MND1: variants seen among roughly 807,000 people sequenced by gnomAD.
The protein encoded by MND1 is meiotic nuclear division protein 1 homolog.
MND1 carries 28 observed loss-of-function variants against 35.1 expected under a neutral mutation model. That is an observed-to-expected ratio of 0.80 (90% confidence interval 0.59 to 1.09). MND1 has a LOEUF of 1.09. Ranked by LOEUF, MND1 falls within the 50% of genes least tolerant of loss-of-function variation. MND1 has a pLI of 0.00. For synonymous variants in MND1, 69 were observed against 70.5 expected (o/e 0.98, Z 0.11); for missense variants, 213 against 239.6 (o/e 0.89, Z 0.73).
At position 153,350,145 on chromosome 4, in the gene MND1, T is replaced by A; in HGVS notation, c.69+16T>A. The A allele has an allele frequency of 6.4e-7, 1 of 1,568,286 alleles. No individual in the cohort carries two copies. On this transcript the variant is annotated intron_variant, in intron 2 of 7. Coordinates refer to ENST00000240488, the MANE Select transcript of MND1 (RefSeq NM_032117.4). ...TTCTGAAACAGTAAGTCATTTTCTT[T>A]AACACTTATAATTTTGTGTAATTTT...
rs975451704 is a variant in MND1, at chr4:153,345,000, C to T, written c.3+260C>T. 5.3e-5 allele frequency among the ~76,000 whole-genome samples: 8 copies of T among 152,352 alleles called. No individual in the cohort carries two copies. The South Asian group carries it at 1.7e-3, about 32-fold the overall frequency. ...CGCGGCCTCCCCGCCGGCTGCACCC[C>T]GCGTCTGTCCCCAGGGCCCGTTCGG... On this transcript the variant is annotated intron_variant, in intron 1 of 7. Transcript: ENST00000240488.
rs1022123535 is a variant in MND1 at position 153,414,763 on chromosome 4, C to T, written c.524C>T (p.Ala175Val). ...AANRWTDNIF[A>V]IKSWAKRKFG... ...ATTTTCTTTATAGATAACATATTCG[C>T]AATAAAATCTTGGGCCAAAAGAAAA... The change falls in exon 8 of 8, where the codon GCA becomes GTA. Residue 175 changes from alanine to valine, a missense_variant. Physicochemically the swap from Ala to Val is moderately conservative, Grantham distance 64. Transcript: ENST00000240488. 8 of 1,466,784 alleles carry T rather than the reference C, an allele frequency of 5.5e-6. 1 individual carries two copies. Among genetic ancestry groups the T allele is most frequent in the Admixed American group, 2.0e-5 (1 of 48,834 alleles). The allele number at this position is 1,466,784 out of a possible 1,614,324, so 90.9% of individuals were successfully genotyped here. A position where few individuals can be genotyped will look rare whatever the true frequency, so the allele number is the denominator to read the frequency against.
chr4:153,393,924 C>CTTTTTTTTTTTTTTTTT (rs36028750), intron 4 of MND1, among the ~76,000 whole-genome samples: 4 of 56,464 alleles, frequency 7.1e-5, no homozygotes, highest in African/African-American at 1.4e-4. Flanking sequence ...ACTTTGTTTT[C>CTTTTTTTTTTTTTTTTT]TTTTTTTTTT....
At position 153,357,980 on chromosome 4, in the gene MND1, A is replaced by T. The variant is rs529582536; in HGVS notation, c.128-494A>T. ...CATTAAAATTATTTACTAAGCACTG[A>T]TGCTAGCATCTTCTATTACTAGATA... is the stretch of plus-strand genomic sequence containing the variant. On this transcript the variant is annotated intron_variant, in intron 3 of 7. Coordinates refer to ENST00000240488, the MANE Select transcript of MND1 (RefSeq NM_032117.4). Among the ~76,000 whole-genome samples the T allele has an allele frequency of 3.9e-4, 59 of 152,314 alleles. No homozygotes were observed. In the South Asian group the frequency reaches 0.012, roughly 31 times the overall value.
chr4:153,351,093 C>G (rs1479845241), intron 2 of MND1, among the ~76,000 whole-genome samples: 1 of 151,934 alleles, frequency 6.6e-6, no homozygotes, highest in African/African-American at 2.4e-5. Context: ...TTGGTGAAGT[C>G]TCTATGTGAA....
At chr4:153,390,518 A>G (rs552834541) in intron 4 of MND1, among the ~76,000 whole-genome samples, 39 of 152,298 alleles carry the variant, frequency 2.6e-4, no homozygotes, top group African/African-American at 7.0e-4. Flanking sequence ...AAACAGATGT[A>G]TAGTACCTGA....
At chr4:153,380,845 G>A (rs899092772) in intron 4 of MND1, among the ~76,000 whole-genome samples, 1 of 151,822 alleles carries the variant, frequency 6.6e-6, no homozygotes, top group African/African-American at 2.4e-5. Flanking sequence ...ATGCTGAAAA[G>A]TATAATATTA....
chr4:153,360,675 A>AATAG (rs70963166), intron 4 of MND1, among the ~76,000 whole-genome samples: 1 of 146,996 alleles, frequency 6.8e-6, no homozygotes, highest in African/African-American at 2.5e-5. Flanking sequence ...TATATAAATA[A>AATAG]ATAAATAAAT....
At chr4:153,345,555 T>C (rs1773057604) in intron 1 of MND1, 1 of 984,836 alleles carries the variant, frequency 1.0e-6, no homozygotes. Context: ...TCAAATCATT[T>C]TCATAAACCT....
At chr4:153,405,708 A>C (rs548870151) in intron 6 of MND1, among the ~76,000 whole-genome samples, 211 of 152,358 alleles carry the variant, frequency 1.4e-3, no homozygotes, top group African/African-American at 4.9e-3. Context: ...CAAATGAATT[A>C]ATCTGAACCC....
chr4:153,365,598 C>CTT (rs903922698), intron 4 of MND1, among the ~76,000 whole-genome samples: 3 of 146,846 alleles, frequency 2.0e-5, no homozygotes, highest in African/African-American at 7.5e-5. Flanking sequence ...AAGAGAGGAT[C>CTT]TTTTTTTTTT....
chr4:153,411,244 G>A (rs552800354), intron 7 of MND1, among the ~76,000 whole-genome samples: 5 of 152,150 alleles, frequency 3.3e-5, no homozygotes, highest in Non-Finnish European at 5.9e-5. Context: ...AGAGGGACAG[G>A]TGTTATGAGG....
Position 153,409,025 on chromosome 4 carries a change from A to G in MND1, c.511+10A>G. On this transcript the variant is annotated intron_variant, in intron 7 of 7. Transcript: ENST00000240488. ...GCTAACAGATGGACTGGTATGTACT[A>G]TAATAATGCTGATAAACTATAGCTA... is the stretch of plus-strand genomic sequence containing the variant. 1 of 1,368,802 alleles carries G rather than the reference A, an allele frequency of 7.3e-7. No individual in the cohort carries two copies. Among genetic ancestry groups the G allele is most frequent in the Non-Finnish European group, 9.5e-7 (1 of 1,052,792 alleles). 84.8% of individuals were successfully genotyped at this position (1,368,802 alleles called of 1,614,324 possible). A position where few individuals can be genotyped will look rare whatever the true frequency, so the allele number is the denominator to read the frequency against.
rs561004288 is a variant in MND1, at chr4:153,384,443, A to ATTTT, written c.277-9793_277-9790dup. ...TGCCACCATGCCCAGCTAATGTTTA[A>ATTTT]TTTTTTTTTTTTTTTTTTTTTTTTT... On this transcript the variant is annotated intron_variant, in intron 4 of 7. Coordinates refer to ENST00000240488, the MANE Select transcript of MND1 (RefSeq NM_032117.4). 4.4e-4 allele frequency among the ~76,000 whole-genome samples: 28 copies of ATTTT among 63,192 alleles called. 2 individuals are homozygous for ATTTT. The highest frequency in any genetic ancestry group is 5.3e-4 in the Non-Finnish European group (18 of 33,692). The allele number at this position is 63,192 out of a possible 152,430, so 41.5% of individuals were successfully genotyped here. A position where few individuals can be genotyped will look rare whatever the true frequency, so the allele number is the denominator to read the frequency against.
intron 7 of MND1, among the ~76,000 whole-genome samples, chr4:153,412,986 T>G (rs1394485393): frequency 6.6e-6 from 1 of 152,038 alleles, no homozygotes; most frequent in Non-Finnish European, 1.5e-5. Flanking sequence ...TTTGTATTGT[T>G]AGTAGAGACA....
At chr4:153,349,178 T>G (rs1055980902) in intron 1 of MND1, among the ~76,000 whole-genome samples, 4 of 151,986 alleles carry the variant, frequency 2.6e-5, no homozygotes, top group African/African-American at 9.7e-5. Flanking sequence ...GCTTTATATA[T>G]TCTATGTACA....
chr4:153,347,206 C>G (rs1432536978), intron 1 of MND1, among the ~76,000 whole-genome samples: 1 of 152,082 alleles, frequency 6.6e-6, no homozygotes, highest in African/African-American at 2.4e-5. Flanking sequence ...GAATTTCATG[C>G]TTGATTTGTC....
chr4:153,353,851 C>T (rs938376239), intron 2 of MND1, among the ~76,000 whole-genome samples: 2 of 152,100 alleles, frequency 1.3e-5, no homozygotes. Context: ...TCTCGAGTAG[C>T]TGGGATTACT....
chr4:153,358,257 T>C (rs1773394569), intron 3 of MND1, among the ~76,000 whole-genome samples: 1 of 152,200 alleles, frequency 6.6e-6, no homozygotes, highest in South Asian at 2.1e-4. Context: ...TCCCCTAGGC[T>C]CCTGTATAAG....
Sources: gnomAD v4.1 joint callset for allele counts (sites outside exome capture counted in the v4.1 genomes callset) on GRCh38, gnomAD v4.1.1 for gene constraint, MANE v1.5 for transcripts, NCBI Gene and HGNC (gene_info 2026-07-23, HGNC 2026-07-21) for gene names.